The following FOCAD variants were observed in gnomAD, a reference collection of about 807,000 sequenced individuals.
The protein encoded by FOCAD is focadhesin, also known as KIAA1797.
In FOCAD, 198 loss-of-function variants were observed where a neutral mutation model predicts 225.6. That is an observed-to-expected ratio of 0.88 (90% CI 0.78 to 0.99). FOCAD has a LOEUF of 0.99. FOCAD is among the 50% of genes least tolerant of loss of function. The probability of loss-of-function intolerance (pLI) is 0.00; values close to 1 mark genes in which losing one functional copy is unlikely to be tolerated. For missense variants in FOCAD, 2,713 were observed against 2,123.6 expected (o/e 1.28, Z -5.46); for synonymous variants, 897 against 755.0 (o/e 1.19, Z -3.08).
intron 15 of FOCAD, among the ~76,000 whole-genome samples, chr9:20,835,504 T>C (rs955830272): frequency 6.6e-6 from 1 of 152,120 alleles, no homozygotes; most frequent in South Asian, 2.1e-4. Context: ...CAACCTGTGC[T>C]CCATGTTGTG....
intron 22 of FOCAD, among the ~76,000 whole-genome samples, chr9:20,911,291 C>T (rs1229507211): frequency 6.6e-6 from 1 of 152,046 alleles, no homozygotes; most frequent in Non-Finnish European, 1.5e-5. Context: ...ATACAGTGTC[C>T]GTTACATCTC....
chr9:20,675,477 T>G (rs1822204501), intron 2 of FOCAD, among the ~76,000 whole-genome samples: 1 of 152,182 alleles, frequency 6.6e-6, no homozygotes, highest in Admixed American at 6.5e-5. Flanking sequence ...TAAAAGATAA[T>G]ATACATCAAT....
intron 35 of FOCAD, among the ~76,000 whole-genome samples, chr9:20,974,086 T>C (rs113012781): frequency 2.0e-5 from 3 of 147,296 alleles, no homozygotes; most frequent in Admixed American, 6.8e-5. Flanking sequence ...GTCTCTGCCC[T>C]ACTTCCCCCT....
chr9:20,886,902 C>A (rs1831145905), intron 21 of FOCAD, among the ~76,000 whole-genome samples: 1 of 152,146 alleles, frequency 6.6e-6, no homozygotes, highest in Non-Finnish European at 1.5e-5. Flanking sequence ...TAGATACTTT[C>A]AACACTGTGA....
rs922029143 is a variant in FOCAD at position 20,926,234 on chromosome 9, T to C, written c.2962-67T>C. On this transcript the variant is annotated intron_variant, in intron 25 of 43. Transcript: ENST00000338382. ...GTTTAATATAGAAGGGAGTTACACC[T>C]TAGATTTAGAAATATCTTTAGATTT... 3 of 986,094 alleles carry C rather than the reference T, an allele frequency of 3.0e-6. No homozygotes were observed. In the East Asian group the frequency reaches 7.2e-5, roughly 24 times the overall value. 61.1% of individuals were successfully genotyped at this position (986,094 alleles called of 1,614,324 possible). A position where few individuals can be genotyped will look rare whatever the true frequency, so the allele number is the denominator to read the frequency against.
intron 28 of FOCAD, among the ~76,000 whole-genome samples, chr9:20,938,045 A>G (rs1038290494): frequency 6.6e-6 from 1 of 152,002 alleles, no homozygotes; most frequent in African/African-American, 2.4e-5. Context: ...ATCTCACACC[A>G]GTTAGAATGG....
At chr9:20,678,236 G>A in intron 2 of FOCAD, among the ~76,000 whole-genome samples, 1 of 152,164 alleles carries the variant, frequency 6.6e-6, no homozygotes, top group East Asian at 1.9e-4. Context: ...GTCAATATTA[G>A]TAAGGATCTG....
At chr9:20,986,486 AC>A (rs1179317755) in intron 40 of FOCAD, 21 bp downstream of exon 40, 1 of 1,569,544 alleles carries the variant, frequency 6.4e-7, no homozygotes, top group Admixed American at 1.9e-5. Flanking sequence ...CCTGGGGTGA[AC>A]ATCAGAAACA....
At position 20,912,934 on chromosome 9, in the gene FOCAD, A is replaced by T; in HGVS notation, c.2787A>T (p.Lys929Asn). The T allele has an allele frequency of 6.2e-7, 1 of 1,613,036 alleles. No homozygotes were observed. The highest frequency in any genetic ancestry group is 8.5e-7 in the Non-Finnish European group (1 of 1,179,422). The change falls in exon 23 of 44, where the codon AAA becomes AAT. Residue 929 changes from lysine to asparagine, a missense_variant. Lys to Asn is a moderately conservative substitution (Grantham distance 94, BLOSUM62 0). Coordinates refer to ENST00000338382, the MANE Select transcript of FOCAD (RefSeq NM_001375567.1). Reference sequence around the variant, plus strand: ...AAGAACCTGAGGAGGTGCAGTACAAAAAAAGCACAGCCTGGCTCTGGTAAG... The same window carrying T: ...AAGAACCTGAGGAGGTGCAGTACAATAAAAGCACAGCCTGGCTCTGGTAAG... ...GKEEPEEVQY[K>N]KSTAWLWVRD...
At chr9:20,866,547 T>G (rs149458588) in intron 17 of FOCAD, among the ~76,000 whole-genome samples, 148 of 152,160 alleles carry the variant, frequency 9.7e-4, no homozygotes, top group Non-Finnish European at 1.8e-3. Flanking sequence ...ACTTTATATT[T>G]AATGTTCAAA....
chr9:20,797,668 T>A (rs1821280201), intron 11 of FOCAD, among the ~76,000 whole-genome samples: 1 of 152,190 alleles, frequency 6.6e-6, no homozygotes. Context: ...TTTTGCAAAA[T>A]CATTGCAAAA....
chr9:20,976,814 A>C, intron 36 of FOCAD, among the ~76,000 whole-genome samples: 1 of 152,326 alleles, frequency 6.6e-6, no homozygotes. Flanking sequence ...AATGTGGTAC[A>C]GGTTCCATTA....
chr9:20,857,511 TA>T (rs1360967817), intron 15 of FOCAD, among the ~76,000 whole-genome samples: 1 of 151,890 alleles, frequency 6.6e-6, no homozygotes, highest in Non-Finnish European at 1.5e-5. Flanking sequence ...TAGGTTTTTC[TA>T]AATATGAGAT....
chr9:20,815,066 T>G (rs547582325), intron 11 of FOCAD, among the ~76,000 whole-genome samples: 17 of 151,380 alleles, frequency 1.1e-4, no homozygotes, highest in Non-Finnish European at 2.2e-4. Context: ...AAGGCATGTT[T>G]AGTGGTGATG....
intron 11 of FOCAD, among the ~76,000 whole-genome samples, chr9:20,801,685 G>A (rs1265127469): frequency 2.0e-5 from 3 of 152,098 alleles, no homozygotes; most frequent in Non-Finnish European, 2.9e-5. Flanking sequence ...TGCTGTATTA[G>A]TTCTTTACTT....
intron 3 of FOCAD, among the ~76,000 whole-genome samples, chr9:20,718,702 T>G (rs546241973): frequency 6.6e-6 from 1 of 152,340 alleles, no homozygotes; most frequent in South Asian, 2.1e-4. Context: ...ATCCTAATCC[T>G]GCCTATAATC....
chr9:20,912,738 A>T, intron 22 of FOCAD, 128 bp from the exon 23 acceptor site: 2 of 646,946 alleles, frequency 3.1e-6, no homozygotes, highest in South Asian at 4.1e-5. Flanking sequence ...ATCCTCTTTC[A>T]TAATCTAATG....
At chr9:20,749,128 G>A (rs1385116816) in intron 5 of FOCAD, among the ~76,000 whole-genome samples, 1 of 151,992 alleles carries the variant, frequency 6.6e-6, no homozygotes, top group African/African-American at 2.4e-5. Flanking sequence ...ACTTAAAATA[G>A]TTCCAGACTT....
Position 20,720,330 on chromosome 9 carries a change from T to C in FOCAD, c.133-50T>C, listed in dbSNP as rs779363024. ...ATGAATGACCAAAGGTGTGTGTGTG[T>C]GTGTTTGCTGCTCATCAGAATTGTC... On this transcript the variant is annotated intron_variant, in intron 3 of 43. Coordinates refer to ENST00000338382, the MANE Select transcript of FOCAD (RefSeq NM_001375567.1). 17 of 1,581,158 alleles carry C rather than the reference T, an allele frequency of 1.1e-5. No homozygotes were observed. The Admixed American group carries it at 2.5e-4, about 24-fold the overall frequency.
Sources: gnomAD v4.1 joint callset for allele counts (sites outside exome capture counted in the v4.1 genomes callset) on GRCh38, gnomAD v4.1.1 for gene constraint, MANE v1.5 for transcripts, NCBI Gene and HGNC (gene_info 2026-07-23, HGNC 2026-07-21) for gene names.